The following SON variants were observed in gnomAD, a reference collection of about 807,000 sequenced individuals.
SON encodes protein SON.
In SON, 4 loss-of-function variants were observed where a neutral mutation model predicts 173.3. The ratio of observed to expected loss-of-function variants is 0.02; its 90% CI spans 0.01 to 0.05. The LOEUF (loss-of-function observed/expected upper bound fraction) is 0.05, where lower values mean the gene tolerates loss of function less well. SON is among the 10% of genes least tolerant of loss of function. SON has a pLI of 1.00. For missense variants in SON, 2,626 were observed against 3,055.3 expected (o/e 0.86, Z 3.31); for synonymous variants, 1,190 against 1,105.9 (o/e 1.08, Z -1.51).
chr21:33,551,580 C>G lies in SON; in HGVS notation c.2349C>G (p.Ser783=). Residue 783 remains serine, a synonymous_variant, in exon 3 of 12, where the codon TCC becomes TCG. Coordinates refer to ENST00000356577, the MANE Select transcript of SON (RefSeq NM_138927.4). Reference sequence around the variant, plus strand: ...TGTTAGCAACTAGCTCCATGGACTCCCAGATGTTAGCAACTAGCACTATGG... The same window carrying G: ...TGTTAGCAACTAGCTCCATGGACTCGCAGATGTTAGCAACTAGCACTATGG... ...SQMLATSSMD[S]QMLATSTMDS... is the part of the protein sequence containing the mutation. The G allele has an allele frequency of 1.2e-6, 2 of 1,613,008 alleles. No individual in the cohort carries two copies. The highest frequency in any genetic ancestry group is 1.7e-6 in the Non-Finnish European group (2 of 1,179,846).
chr21:33,556,835 T>TAGA (rs1476278947), intron 3 of SON, among the ~76,000 whole-genome samples: 1 of 151,866 alleles, frequency 6.6e-6, no homozygotes, highest in Non-Finnish European at 1.5e-5. Context: ...GTTTATATCT[T>TAGA]AGAGTGTGTG....
chr21:33,568,046 C>G (rs1225452364), intron 7 of SON, among the ~76,000 whole-genome samples: 1 of 152,188 alleles, frequency 6.6e-6, no homozygotes, highest in Non-Finnish European at 1.5e-5. Flanking sequence ...TTCATTTCTA[C>G]TGTTTTATGG....
chr21:33,557,379 G>C, intron 4 of SON, 63 bp downstream of exon 4: 1 of 1,584,476 alleles, frequency 6.3e-7, no homozygotes, highest in Non-Finnish European at 8.6e-7. Flanking sequence ...TGACTCTGGA[G>C]CGTGCCAAAA....
At chr21:33,569,521 C>T (rs2086238180) in intron 8 of SON, 1 of 386,444 alleles carries the variant, frequency 2.6e-6, no homozygotes, top group Non-Finnish European at 5.2e-6. Flanking sequence ...CCCTCTACCA[C>T]CTTAATTTTC....
Position 33,552,093 on chromosome 21 carries a change from T to A in SON, c.2862T>A (p.Asp954Glu), listed in dbSNP as rs1338036670. ...AAGACCCTTATAGATTAGGCCATGA[T>A]CCCTACAGACTAACTCCTGATCCCT... ...LGQDPYRLGH[D>E]PYRLTPDPYR... The change falls in exon 3 of 12, where the codon GAT becomes GAA. Residue 954 changes from aspartate (D) to glutamate (E), a missense_variant. Coordinates refer to ENST00000356577, the MANE Select transcript of SON (RefSeq NM_138927.4). The surrounding 1 kb of genome is among the most constrained non-coding windows in gnomAD (Gnocchi z 5.6). 6.2e-7 allele frequency: 1 copy of A among 1,613,968 alleles called. No homozygotes were observed. Among genetic ancestry groups the A allele is most frequent in the South Asian group, 1.1e-5 (1 of 91,074 alleles).
chr21:33,554,590 A>G lies in SON; in HGVS notation c.5359A>G (p.Lys1787Glu), dbSNP rs1322076634. The part of the protein sequence containing the change: ...ERASESSSEE[K>E]DDYEIFVKVK... ...AGCTTCAGAGTCTTCTTCAGAGGAA[A>G]AAGATGATTATGAAATTTTTGTAAA... Residue 1787 changes from lysine (K) to glutamate (E), a missense_variant, in exon 3 of 12, where the codon AAA becomes GAA. Lys to Glu is a moderately conservative substitution (Grantham distance 56). Around this residue, in one of 13 missense-constraint regions of SON, gnomAD observed 1,006 missense variants for 895.6 expected, o/e 1.12. Transcript: ENST00000356577. 1 of 1,613,990 alleles carries G rather than the reference A, an allele frequency of 6.2e-7. No homozygotes were observed. Among genetic ancestry groups the G allele is most frequent in the African/African-American group, 1.3e-5 (1 of 75,022 alleles).
chr21:33,552,534 G>A lies in SON; in HGVS notation c.3303G>A (p.Arg1101=), dbSNP rs777761866. ...SMMSSYSAAD[R]SMMSSYSAAD... is the part of the protein sequence containing the mutation. ...TGTCGTCATACTCTGCTGCTGACCG[G>A]TCTATGATGTCATCGTACTCTGCAG... The change falls in exon 3 of 12, where the codon CGG becomes CGA. Residue 1101 remains arginine, a synonymous_variant. Coordinates refer to ENST00000356577, the MANE Select transcript of SON (RefSeq NM_138927.4). The surrounding 1 kb of genome is among the most constrained non-coding windows in gnomAD (Gnocchi z 5.6). 1.1e-5 allele frequency: 17 copies of A among 1,614,002 alleles called. No individual in the cohort carries two copies. The highest frequency in any genetic ancestry group is 1.4e-5 in the Non-Finnish European group (16 of 1,179,982).
chr21:33,574,410 T>G (rs1484327142), intron 9 of SON, among the ~76,000 whole-genome samples: 1 of 152,226 alleles, frequency 6.6e-6, no homozygotes, highest in African/African-American at 2.4e-5. Flanking sequence ...CTTGGAATTG[T>G]GGGACATGGC....
intron 2 of SON, among the ~76,000 whole-genome samples, chr21:33,548,664 A>G (rs141362482): frequency 1.3e-3 from 201 of 152,368 alleles, no homozygotes; most frequent in Middle Eastern, 6.8e-3. Context: ...GGCCAAGACC[A>G]TTAACCTAGT....
intron 2 of SON, among the ~76,000 whole-genome samples, chr21:33,549,175 T>C (rs1001961859): frequency 2.1e-5 from 1 of 46,664 alleles, no homozygotes; most frequent in African/African-American, 1.3e-4. Context: ...ACCTACTGGG[T>C]TCAAGTGATC....
At chr21:33,572,610 A>G in intron 8 of SON, 1 of 1,303,896 alleles carries the variant, frequency 7.7e-7, no homozygotes, top group Non-Finnish European at 1.0e-6. Flanking sequence ...TATTCACAAC[A>G]CTGCTGCTAC....
In SON at chr21:33,553,731, T is replaced by G. The variant is rs1208546078; in HGVS notation, c.4500T>G (p.Ile1500Met). Residue 1500 changes from isoleucine to methionine, a missense_variant, in exon 3 of 12, where the codon ATT becomes ATG. By Grantham distance (10) the Ile-to-Met change is conservative. Around this residue, in one of 13 missense-constraint regions of SON, gnomAD observed 1,006 missense variants for 895.6 expected, o/e 1.12. Transcript: ENST00000356577. The part of the protein sequence containing the change: ...SSGDQNLAPE[I>M]GMQEIALHSG... The stretch of plus-strand genomic sequence containing the variant: ...GTGATCAAAATCTTGCTCCAGAGAT[T>G]GGCATGCAGGAGATTGCATTGCATT... The G allele has an allele frequency of 1.9e-6, 3 of 1,613,934 alleles. No homozygotes were observed. Among genetic ancestry groups the G allele is most frequent in the Non-Finnish European group, 2.5e-6 (3 of 1,179,992 alleles).
Position 33,554,655 on chromosome 21 carries a change from C to T in SON, c.5424C>T (p.Asn1808=), listed in dbSNP as rs369826960. Residue 1808 remains asparagine, a synonymous_variant, in exon 3 of 12, where the codon AAC becomes AAT. Coordinates refer to ENST00000356577, the MANE Select transcript of SON (RefSeq NM_138927.4). ...ACGAAAAAAGCAAGAAAAATAAGAACCGTGATAAGGGGGAGAAAGAGAAGA... is the reference window on the plus strand; with the variant it reads ...ACGAAAAAAGCAAGAAAAATAAGAATCGTGATAAGGGGGAGAAAGAGAAGA... ...DTHEKSKKNK[N]RDKGEKEKKR... is the part of the protein sequence containing the mutation. 1 of 1,613,012 alleles carries T rather than the reference C, an allele frequency of 6.2e-7. No homozygotes were observed. The highest frequency in any genetic ancestry group is 8.5e-7 in the Non-Finnish European group (1 of 1,179,872).
At chr21:33,574,860 C>T (rs937866751) in intron 9 of SON, among the ~76,000 whole-genome samples, 3 of 152,128 alleles carry the variant, frequency 2.0e-5, no homozygotes, top group Non-Finnish European at 2.9e-5. Context: ...ATTTTGAGAA[C>T]ATCTCCCATT....
Position 33,552,693 on chromosome 21 carries a change from C to T in SON, c.3462C>T (p.Pro1154=). 1 of 1,614,030 alleles carries T rather than the reference C, an allele frequency of 6.2e-7. No individual in the cohort carries two copies. Among genetic ancestry groups the T allele is most frequent in the Non-Finnish European group, 8.5e-7 (1 of 1,180,008 alleles). Residue 1154 remains proline, a synonymous_variant, in exon 3 of 12, where the codon CCC becomes CCT. Coordinates refer to ENST00000356577, the MANE Select transcript of SON (RefSeq NM_138927.4). The surrounding 1 kb of genome is among the most constrained non-coding windows in gnomAD (Gnocchi z 5.6). ...TGCCACCTTTGCCTCCTGAAGAGCC[C>T]CCAACAATGCCACCGTTGCCACCTG... ...YMVPPLPPEE[P]PTMPPLPPEE...
intron 6 of SON, among the ~76,000 whole-genome samples, chr21:33,561,782 A>G (rs2086075015): frequency 6.6e-6 from 1 of 152,178 alleles, no homozygotes; most frequent in Admixed American, 6.5e-5. Flanking sequence ...CTGGTGGGAA[A>G]AGTTGATAGA....
chr21:33,554,005 A>G lies in SON; in HGVS notation c.4774A>G (p.Thr1592Ala). The G allele has an allele frequency of 6.2e-7, 1 of 1,613,904 alleles. No individual in the cohort carries two copies. The highest frequency in any genetic ancestry group is 8.5e-7 in the Non-Finnish European group (1 of 1,179,950). Residue 1592 changes from threonine to alanine, a missense_variant, in exon 3 of 12, where the codon ACT becomes GCT. By Grantham distance (58) the Thr-to-Ala change is moderately conservative. Coordinates refer to ENST00000356577, the MANE Select transcript of SON (RefSeq NM_138927.4). The part of the protein sequence containing the change: ...PGVSEADAGE[T>A]LSSTGPFALE... ...TGTTAGTGAAGCTGATGCAGGAGAAACTCTATCTTCTACTGGTCCTTTTGC... is the reference window on the plus strand; with the variant it reads ...TGTTAGTGAAGCTGATGCAGGAGAAGCTCTATCTTCTACTGGTCCTTTTGC...
chr21:33,553,248 G>A lies in SON; in HGVS notation c.4017G>A (p.Leu1339=), dbSNP rs780700872. The change falls in exon 3 of 12, where the codon CTG becomes CTA. Residue 1339 remains leucine, a synonymous_variant. Transcript: ENST00000356577. ...TTCCAGCAGTAACTACTCCAGTGCT[G>A]GCAGAGAGCATTCTGGAGCCGCCAG... is the stretch of plus-strand genomic sequence containing the variant. ...LLVPAVTTPV[L]AESILEPPAM... The A allele has an allele frequency of 3.7e-6, 6 of 1,614,040 alleles. No homozygotes were observed. The highest frequency in any genetic ancestry group is 5.1e-6 in the Non-Finnish European group (6 of 1,180,046).
In SON at chr21:33,549,465, A is replaced by G. The variant is rs149265737; in HGVS notation, c.245-11A>G. Reference sequence around the variant, plus strand: ...GGAATGTCTGACAAAATTAATTTCTATTACTTTTAGACTTGAAAGAGGGCT... The same window carrying G: ...GGAATGTCTGACAAAATTAATTTCTGTTACTTTTAGACTTGAAAGAGGGCT... On this transcript the variant is annotated splice_polypyrimidine_tract_variant and intron_variant, in intron 2 of 11. Coordinates refer to ENST00000356577, the MANE Select transcript of SON (RefSeq NM_138927.4). 42 of 1,518,294 alleles carry G rather than the reference A, an allele frequency of 2.8e-5. 1 individual carries two copies. The African/African-American group carries it at 3.2e-4, about 12-fold the overall frequency. The allele number at this position is 1,518,294 out of a possible 1,614,324, so 94.1% of individuals were successfully genotyped here. A position where few individuals can be genotyped will look rare whatever the true frequency, so the allele number is the denominator to read the frequency against.
Sources: allele counts gnomAD v4.1 joint callset (sites outside exome capture counted in the v4.1 genomes callset), GRCh38; gene constraint gnomAD v4.1.1; regional missense constraint gnomAD v4.1.1; non-coding constraint Gnocchi (gnomAD v3.1); transcripts MANE v1.5; gene names NCBI Gene and HGNC (gene_info 2026-07-23, HGNC 2026-07-21).